The following ZNHIT3 variants were observed in gnomAD, a reference collection of about 807,000 sequenced individuals.
ZNHIT3 encodes the protein zinc finger HIT-type containing 3, also known as zinc finger HIT domain-containing protein 3.
ZNHIT3 carries 27 observed loss-of-function variants against 19.9 expected under a neutral mutation model. The observed-to-expected ratio is 1.36, with a 90% CI of 1.00 to 1.87. The LOEUF is 1.87. Among genes scored for constraint, ZNHIT3 ranks in the 40% most tolerant of loss-of-function variants. The pLI, the probability that ZNHIT3 is intolerant of heterozygous loss-of-function variation, is 0.00. For synonymous variants in ZNHIT3, 81 were observed against 65.7 expected (o/e 1.23, Z -1.13); for missense variants, 215 against 185.6 (o/e 1.16, Z -0.92).
intron 3 of ZNHIT3, 45 bp downstream of exon 3, chr17:36,492,944 G>T (rs199853854): frequency 1.3e-6 from 2 of 1,545,738 alleles, no homozygotes. Flanking sequence ...ACTTCACATA[G>T]AATAAGTCGA....
chr17:36,492,995 A>C (rs1220234816), intron 3 of ZNHIT3, 96 bp downstream of exon 3: 4 of 1,135,430 alleles, frequency 3.5e-6, no homozygotes, highest in Non-Finnish European at 4.0e-6. Flanking sequence ...AATCCAGAAC[A>C]ATAGCTTCAT....
intron 4 of ZNHIT3, 42 bp downstream of exon 4, chr17:36,494,048 CTG>C: frequency 1.4e-6 from 2 of 1,470,044 alleles, no homozygotes; most frequent in Non-Finnish European, 1.9e-6. Flanking sequence ...GATACATTTA[CTG>C]TGTTGTAAGG....
At position 36,486,786 on chromosome 17, in the gene ZNHIT3, G is replaced by T. The variant is rs752009346; in HGVS notation, c.86+1G>T. The stretch of plus-strand genomic sequence containing the variant: ...GCTGTCCAGCCTGCCGCGTGCCCTA[G>T]TGAGCGGGGAGGTCGCGGGGTCCAG... On this transcript the variant is annotated splice_donor_variant, in intron 1 of 4. Coordinates refer to ENST00000617429, the MANE Select transcript of ZNHIT3 (RefSeq NM_004773.4). LOFTEE classifies it high-confidence loss of function. 1 of 1,612,758 alleles carries T rather than the reference G, an allele frequency of 6.2e-7. No individual in the cohort carries two copies. Among genetic ancestry groups the T allele is most frequent in the South Asian group, 1.1e-5 (1 of 90,990 alleles).
downstream of ZNHIT3, chr17:36,496,223 G>A (rs778874701): frequency 1.9e-6 from 3 of 1,611,946 alleles, no homozygotes; most frequent in African/African-American, 1.3e-5. Flanking sequence ...GGCAGGAAAA[G>A]GCCTTGTGGA....
chr17:36,488,092 T>G (rs557508770), intron 2 of ZNHIT3, among the ~76,000 whole-genome samples: 88 of 63,608 alleles, frequency 1.4e-3, no homozygotes, highest in African/African-American at 5.6e-3. Context: ...CAAGACTGTC[T>G]CAAAAAAAAA....
chr17:36,496,802 T>C (rs1599175088), downstream of ZNHIT3, among the ~76,000 whole-genome samples: 1 of 152,274 alleles, frequency 6.6e-6, no homozygotes, highest in East Asian at 1.9e-4. Context: ...ATGCAGTAGG[T>C]TGAGTATTAG....
At chr17:36,487,122 C>T (rs570867649) in intron 2 of ZNHIT3, among the ~76,000 whole-genome samples, 156 bp downstream of exon 2, 1 of 152,124 alleles carries the variant, frequency 6.6e-6, no homozygotes, top group South Asian at 2.1e-4. Flanking sequence ...TGACTTGGTC[C>T]CTGGTGTCTC....
At chr17:36,498,066 G>A (rs546943312), downstream of ZNHIT3, 9 of 561,050 alleles carry the variant, frequency 1.6e-5, no homozygotes, top group African/African-American at 1.3e-4. Context: ...AAAAGATAAA[G>A]GGCTCTGGAA....
At chr17:36,493,239 T>C in intron 3 of ZNHIT3, 1 of 344,972 alleles carries the variant, frequency 2.9e-6, no homozygotes, top group Non-Finnish European at 5.3e-6. Context: ...GACTGTCAGT[T>C]CACCTGAACT....
At chr17:36,487,869 C>A (rs1319307545) in intron 2 of ZNHIT3, among the ~76,000 whole-genome samples, 1 of 151,694 alleles carries the variant, frequency 6.6e-6, no homozygotes, top group Non-Finnish European at 1.5e-5. Flanking sequence ...TTTGGGAGGC[C>A]GAGGCGGGCG....
At chr17:36,487,717 G>C (rs1229661781) in intron 2 of ZNHIT3, among the ~76,000 whole-genome samples, 1 of 152,090 alleles carries the variant, frequency 6.6e-6, no homozygotes, top group African/African-American at 2.4e-5. Flanking sequence ...CTTGAACCCG[G>C]GAGGCGGAGG....
intron 2 of ZNHIT3, chr17:36,491,558 C>T (rs975719593): frequency 1.3e-5 from 2 of 152,294 alleles, no homozygotes; most frequent in African/African-American, 4.8e-5. Context: ...CCTCCTGCCT[C>T]AACCTCCCAA....
chr17:36,494,764 T>C (rs1018318515), intron 4 of ZNHIT3, among the ~76,000 whole-genome samples: 1 of 152,198 alleles, frequency 6.6e-6, no homozygotes, highest in African/African-American at 2.4e-5. Context: ...ATGGCATGCT[T>C]AGACATCATT....
chr17:36,487,832 G>T (rs1307827024), intron 2 of ZNHIT3, among the ~76,000 whole-genome samples: 1 of 151,238 alleles, frequency 6.6e-6, no homozygotes, highest in South Asian at 2.1e-4. Context: ...GGTGGGGCGC[G>T]GTGGGTCACG....
Position 36,493,218 on chromosome 17 carries a change from A to G in ZNHIT3, c.205+319A>G. 7.4e-6 allele frequency: 3 copies of G among 407,478 alleles called. No homozygotes were observed. The South Asian group carries it at 8.9e-5, about 12-fold the overall frequency. 25.2% of individuals were successfully genotyped at this position (407,478 alleles called of 1,614,324 possible). On this transcript the variant is annotated intron_variant, in intron 3 of 4. Coordinates refer to ENST00000617429, the MANE Select transcript of ZNHIT3 (RefSeq NM_004773.4). ...CCATAGCTGCTGGTCTCCCTCCATGAATCTGGCTGGGACTGTCAGTTCACC... is the reference window on the plus strand; with the variant it reads ...CCATAGCTGCTGGTCTCCCTCCATGGATCTGGCTGGGACTGTCAGTTCACC...
chr17:36,499,147 C>T, downstream of ZNHIT3: 1 of 1,606,320 alleles, frequency 6.2e-7, no homozygotes, highest in South Asian at 1.1e-5. Flanking sequence ...TCCGAGTTAA[C>T]CAGGAACGAA....
chr17:36,499,118 T>G, downstream of ZNHIT3: 1 of 1,610,692 alleles, frequency 6.2e-7, no homozygotes, highest in Non-Finnish European at 8.5e-7. Flanking sequence ...GGCAGCTGCA[T>G]GCAGCCTCTG....
chr17:36,497,335 C>A (rs1209243952), downstream of ZNHIT3, among the ~76,000 whole-genome samples: 4 of 142,970 alleles, frequency 2.8e-5, no homozygotes, highest in Admixed American at 6.8e-5. Flanking sequence ...AAAAAAAAAA[C>A]CCACAGAGAA....
At chr17:36,493,043 G>A in intron 3 of ZNHIT3, 144 bp downstream of exon 3, 1 of 737,840 alleles carries the variant, frequency 1.4e-6, no homozygotes, top group Middle Eastern at 2.4e-4. Flanking sequence ...AGCATCAGGA[G>A]TGGGGCCATG....
Sources: gnomAD v4.1 joint callset for allele counts (sites outside exome capture counted in the v4.1 genomes callset) on GRCh38, gnomAD v4.1.1 for gene constraint, MANE v1.5 for transcripts, NCBI Gene and HGNC (gene_info 2026-07-23, HGNC 2026-07-21) for gene names.